AFAP1: variants seen among roughly 807,000 people sequenced by gnomAD.
AFAP1 encodes the protein actin filament-associated protein 1.
AFAP1 carries 75 observed loss-of-function variants against 93.9 expected under a neutral mutation model. That is an observed-to-expected ratio of 0.80 (90% confidence interval 0.66 to 0.97). The LOEUF (loss-of-function observed/expected upper bound fraction) is 0.97. Ranked by LOEUF, AFAP1 falls within the 50% of genes least tolerant of loss-of-function variation. The probability of loss-of-function intolerance (pLI) is 0.00; values close to 1 mark genes in which losing one functional copy is unlikely to be tolerated. For missense variants in AFAP1, 1,201 were observed against 1,050.8 expected (o/e 1.14, Z -1.98); for synonymous variants, 517 against 430.7 (o/e 1.20, Z -2.48).
intron 1 of AFAP1, among the ~76,000 whole-genome samples, chr4:7,888,595 A>C (rs1718263892): frequency 1.3e-5 from 2 of 152,240 alleles, no homozygotes; most frequent in South Asian, 4.1e-4. Flanking sequence ...ATATTAAAGA[A>C]AACTCCAGCC....
rs4413390 is a variant in AFAP1 at position 7,889,029 on chromosome 4, T to C, written c.-2-16949A>G. Among the ~76,000 whole-genome samples the C allele has an allele frequency of 5.0e-3, 764 of 151,994 alleles. 6 individuals carry two copies. The highest frequency in any genetic ancestry group is 0.016 in the African/African-American group (660 of 41,470). ...CTGGTCTCGAACTCCTGACCTCAAG[T>C]GATCTGCCCGCCTCAGCCTCCCAAC... is the stretch of plus-strand genomic sequence containing the variant. On this transcript the variant is annotated intron_variant, in intron 1 of 17. Coordinates refer to ENST00000420658, the MANE Select transcript of AFAP1 (RefSeq NM_001134647.2).
intron 4 of AFAP1, among the ~76,000 whole-genome samples, chr4:7,848,693 T>G (rs1349513662): frequency 6.6e-6 from 1 of 152,140 alleles, no homozygotes; most frequent in Non-Finnish European, 1.5e-5. Flanking sequence ...TCCAGTGTCC[T>G]CTGGAAACAC....
At chr4:7,774,494 C>G in intron 15 of AFAP1, 1 of 511,064 alleles carries the variant, frequency 2.0e-6, no homozygotes, top group Non-Finnish European at 3.3e-6. Flanking sequence ...CCTCCCCTGC[C>G]TCGGTGAGCA....
chr4:7,877,001 C>T (rs1717549823), intron 1 of AFAP1, among the ~76,000 whole-genome samples: 1 of 152,192 alleles, frequency 6.6e-6, no homozygotes, highest in South Asian at 2.1e-4. Context: ...TTAAACACCC[C>T]AGTTGGCTCC....
chr4:7,936,156 T>C (rs1444243631), intron 1 of AFAP1, among the ~76,000 whole-genome samples: 1 of 152,132 alleles, frequency 6.6e-6, no homozygotes, highest in Non-Finnish European at 1.5e-5. Flanking sequence ...CTTGACCAAA[T>C]GGCTATTTTT....
chr4:7,902,296 G>A (rs1719162182), intron 1 of AFAP1, among the ~76,000 whole-genome samples: 3 of 152,200 alleles, frequency 2.0e-5, no homozygotes, highest in African/African-American at 2.4e-5. Flanking sequence ...ATCCCACCTC[G>A]CCATCTGCTT....
In AFAP1 at chr4:7,763,598, G is replaced by GAATA. The variant is rs1313460503; in HGVS notation, c.*163_*166dup. 4 of 678,056 alleles carry GAATA rather than the reference G, an allele frequency of 5.9e-6. No individual in the cohort carries two copies. Among genetic ancestry groups the GAATA allele is most frequent in the African/African-American group, 5.5e-5 (3 of 54,654 alleles). The allele number at this position is 678,056 out of a possible 1,614,324, so 42.0% of individuals were successfully genotyped here. ...TAAAGGCGCCATTTTACAGTAGAAA[G>GAATA]AATACAAGTGGGCCTGGGGGACAGG... On this transcript the variant is annotated 3_prime_UTR_variant, in exon 18 of 18. Transcript: ENST00000420658.
intron 10 of AFAP1, among the ~76,000 whole-genome samples, chr4:7,799,497 G>A (rs1045988540): frequency 3.3e-5 from 5 of 152,164 alleles, no homozygotes; most frequent in Admixed American, 2.6e-4. Flanking sequence ...TGTAGAGCCG[G>A]CTCCCACACC....
intron 6 of AFAP1, among the ~76,000 whole-genome samples, chr4:7,834,936 C>G (rs551005695): frequency 4.7e-5 from 7 of 149,860 alleles, no homozygotes; most frequent in Non-Finnish European, 8.9e-5. Context: ...ACCTGGGTGG[C>G]TCTTGAATGG....
intron 1 of AFAP1, among the ~76,000 whole-genome samples, chr4:7,879,765 G>A (rs1225264890): frequency 6.9e-6 from 1 of 145,436 alleles, no homozygotes; most frequent in East Asian, 2.0e-4. Flanking sequence ...GCAGTGATGC[G>A]ATCACATATC....
At chr4:7,881,492 C>T (rs528733034) in intron 1 of AFAP1, among the ~76,000 whole-genome samples, 4 of 152,152 alleles carry the variant, frequency 2.6e-5, no homozygotes, top group Admixed American at 6.5e-5. Flanking sequence ...CTTAGAAACC[C>T]GGACTCTGGG....
At position 7,809,894 on chromosome 4, in the gene AFAP1, C is replaced by G. The variant is rs568129916; in HGVS notation, c.905-131G>C. 3.7e-6 allele frequency: 4 copies of G among 1,071,868 alleles called. No individual in the cohort carries two copies. The Admixed American group carries it at 1.1e-4, about 30-fold the overall frequency. The allele number at this position is 1,071,868 out of a possible 1,614,324, so 66.4% of individuals were successfully genotyped here. The stretch of plus-strand genomic sequence containing the variant: ...CTTTTATTAAAGACAGGGTCTCACT[C>G]TGTCCCCTGGCTGGAGTGCAGTGTT... On this transcript the variant is annotated intron_variant, in intron 8 of 17. Coordinates refer to ENST00000420658, the MANE Select transcript of AFAP1 (RefSeq NM_001134647.2).
At chr4:7,905,476 A>T (rs1382241499) in intron 1 of AFAP1, among the ~76,000 whole-genome samples, 1 of 152,234 alleles carries the variant, frequency 6.6e-6, no homozygotes, top group Non-Finnish European at 1.5e-5. Context: ...TCACAAACTG[A>T]AATCCCAAAG....
chr4:7,856,097 C>A (rs779829669), intron 3 of AFAP1, among the ~76,000 whole-genome samples: 1 of 152,166 alleles, frequency 6.6e-6, no homozygotes, highest in South Asian at 2.1e-4. Flanking sequence ...GCTGAGTGCA[C>A]GAGTGAGGCT....
intron 4 of AFAP1, among the ~76,000 whole-genome samples, chr4:7,850,105 A>C (rs1044196184): frequency 6.7e-6 from 1 of 150,152 alleles, no homozygotes; most frequent in African/African-American, 2.5e-5. Context: ...CTTATGTTTG[A>C]AAATGGCCAG....
intron 11 of AFAP1, among the ~76,000 whole-genome samples, chr4:7,790,721 T>C (rs1052478935): frequency 1.3e-5 from 2 of 151,032 alleles, no homozygotes; most frequent in African/African-American, 5.0e-5. Context: ...AGAATCATTA[T>C]AATTTACCTA....
intron 17 of AFAP1, among the ~76,000 whole-genome samples, chr4:7,765,929 C>T (rs573339423): frequency 6.6e-6 from 1 of 152,350 alleles, no homozygotes; most frequent in East Asian, 1.9e-4. Context: ...GGACTTTCTT[C>T]TCTGCGCCCG....
chr4:7,867,594 T>C (rs542569662), intron 3 of AFAP1, among the ~76,000 whole-genome samples: 1 of 152,362 alleles, frequency 6.6e-6, no homozygotes, highest in South Asian at 2.1e-4. Flanking sequence ...TTGCAATCTC[T>C]GCCCCCTCTA....
chr4:7,918,249 GA>G (rs1304932765), intron 1 of AFAP1, among the ~76,000 whole-genome samples: 2 of 138,182 alleles, frequency 1.4e-5, no homozygotes, highest in Non-Finnish European at 3.1e-5. Context: ...AGGTCACCAG[GA>G]AACAGGGCTG....
Sources: gnomAD v4.1 joint callset for allele counts (sites outside exome capture counted in the v4.1 genomes callset) on GRCh38, gnomAD v4.1.1 for gene constraint, MANE v1.5 for transcripts, NCBI Gene and HGNC (gene_info 2026-07-23, HGNC 2026-07-21) for gene names.